Variants in SMC5 observed in about 807,000 individuals in gnomAD.
The protein encoded by SMC5 is structural maintenance of chromosomes 5.
A neutral mutation model predicts 148.3 loss-of-function variants in SMC5; 88 were observed. The ratio of observed to expected loss-of-function variants is 0.59; its 90% CI spans 0.50 to 0.71. The LOEUF (loss-of-function observed/expected upper bound fraction) is 0.71, where lower values mean the gene tolerates loss of function less well. Among genes scored for constraint, SMC5 ranks in the 30% least tolerant of loss-of-function variants. The probability of loss-of-function intolerance (pLI) is 0.00; values close to 1 mark genes in which losing one functional copy is unlikely to be tolerated. For missense variants in SMC5, 1,142 were observed against 1,298.9 expected (o/e 0.88, Z 1.86); for synonymous variants, 421 against 432.8 (o/e 0.97, Z 0.34).
chr9:70,311,190 T>G (rs2035647124), intron 11 of SMC5: 2 of 152,206 alleles, frequency 1.3e-5, no homozygotes, highest in South Asian at 2.1e-4. Flanking sequence ...TATTTTTAGC[T>G]TTTGATTTAA....
chr9:70,267,587 A>G (rs1242619995), intron 2 of SMC5, among the ~76,000 whole-genome samples: 1 of 152,148 alleles, frequency 6.6e-6, no homozygotes. Flanking sequence ...CTGGGTGTTT[A>G]ATATAGTGGA....
chr9:70,326,902 A>G (rs1001252249), intron 17 of SMC5, among the ~76,000 whole-genome samples: 3 of 152,134 alleles, frequency 2.0e-5, no homozygotes, highest in African/African-American at 7.2e-5. Context: ...TTCAGTAATC[A>G]TAATGTTAAT....
intron 22 of SMC5, among the ~76,000 whole-genome samples, chr9:70,348,853 G>T (rs1158820198): frequency 6.6e-6 from 1 of 152,096 alleles, no homozygotes; most frequent in Non-Finnish European, 1.5e-5. Context: ...ATCCCACTTT[G>T]GGAGGCCAAG....
At position 70,310,683 on chromosome 9, in the gene SMC5, G is replaced by A. The variant is rs527299824; in HGVS notation, c.1579-4059G>A. 7.5e-4 allele frequency among the ~76,000 whole-genome samples: 114 copies of A among 152,282 alleles called. 1 individual carries two copies. Among genetic ancestry groups the A allele is most frequent in the African/African-American group, 2.6e-3 (110 of 41,574 alleles). ...TCATTGATTTCTTTTCTCTAGTTAT[G>A]AAAGTCCTAGATGGCATTCTTTTCC... On this transcript the variant is annotated intron_variant, in intron 11 of 24. Transcript: ENST00000361138.
intron 3 of SMC5, among the ~76,000 whole-genome samples, chr9:70,275,415 G>A (rs537903768): frequency 2.0e-3 from 297 of 152,124 alleles, no homozygotes; most frequent in African/African-American, 6.9e-3. Context: ...TGCTCAGACA[G>A]GTCTCGAACT....
intron 11 of SMC5, among the ~76,000 whole-genome samples, chr9:70,307,688 G>C (rs1033997377): frequency 2.0e-5 from 3 of 152,056 alleles, no homozygotes; most frequent in Non-Finnish European, 4.4e-5. Flanking sequence ...ATTTTTAGTA[G>C]AGACGGGGTT....
At chr9:70,329,192 T>C (rs369786347) in intron 17 of SMC5, among the ~76,000 whole-genome samples, 1 of 152,246 alleles carries the variant, frequency 6.6e-6, no homozygotes, top group African/African-American at 2.4e-5. Flanking sequence ...TTGGCTCTTC[T>C]TTACTTCTGC....
intron 8 of SMC5, among the ~76,000 whole-genome samples, chr9:70,296,951 T>C (rs2035218110): frequency 6.6e-6 from 1 of 152,200 alleles, no homozygotes; most frequent in African/African-American, 2.4e-5. Context: ...AGACTGATGA[T>C]TAAAATCTCA....
At chr9:70,343,792 G>T (rs1454656767) in intron 17 of SMC5, among the ~76,000 whole-genome samples, 1 of 152,102 alleles carries the variant, frequency 6.6e-6, no homozygotes, top group Admixed American at 6.6e-5. Context: ...CTGCACTCCA[G>T]CCTGGGTGAC....
chr9:70,276,411 A>G (rs1587628335), intron 3 of SMC5, among the ~76,000 whole-genome samples: 1 of 152,216 alleles, frequency 6.6e-6, no homozygotes. Flanking sequence ...ATGCTAACTG[A>G]TAAATTCATT....
At chr9:70,286,528 G>C (rs1378809451) in intron 8 of SMC5, among the ~76,000 whole-genome samples, 1 of 152,066 alleles carries the variant, frequency 6.6e-6, no homozygotes, top group African/African-American at 2.4e-5. Flanking sequence ...ATAGGATAAT[G>C]GTGGATTTGG....
At chr9:70,336,834 C>T (rs1200914180) in intron 17 of SMC5, among the ~76,000 whole-genome samples, 1 of 152,094 alleles carries the variant, frequency 6.6e-6, no homozygotes, top group Non-Finnish European at 1.5e-5. Flanking sequence ...TTGTATTGGT[C>T]CGTTTTCATG....
rs529586789 is a variant in SMC5, at chr9:70,341,174, G to T, written c.2398-2970G>T. 9.5e-4 allele frequency among the ~76,000 whole-genome samples: 145 copies of T among 152,218 alleles called. 1 individual carries two copies. Among genetic ancestry groups the T allele is most frequent in the African/African-American group, 3.3e-3 (136 of 41,546 alleles). ...TTTAAAAACAAAAAGCAAAACAAGT[G>T]CCATGTGAAGATCTCTATCACAAAC... On this transcript the variant is annotated intron_variant, in intron 17 of 24. Coordinates refer to ENST00000361138, the MANE Select transcript of SMC5 (RefSeq NM_015110.4).
chr9:70,275,238 T>A (rs1362161895), intron 3 of SMC5, among the ~76,000 whole-genome samples: 2 of 152,222 alleles, frequency 1.3e-5, no homozygotes, highest in South Asian at 4.1e-4. Context: ...GTTTTGTTTT[T>A]GTTTTTGTTT....
intron 6 of SMC5, among the ~76,000 whole-genome samples, chr9:70,281,668 A>G (rs192603764): frequency 8.5e-5 from 13 of 152,272 alleles, no homozygotes; most frequent in Admixed American, 2.6e-4. Flanking sequence ...CAAAAAGAGT[A>G]TTTGTGGCAT....
rs573483770 is a variant in SMC5 at position 70,273,731 on chromosome 9, T to C, written c.381-3579T>C. On this transcript the variant is annotated intron_variant, in intron 3 of 24. Transcript: ENST00000361138. ...TGTTTCTAATGTAGTGATTTTCTTA[T>C]TTTTTAGTATTGGTTTCTACTTTGA... Among the ~76,000 whole-genome samples, 6 of 152,290 alleles carry C rather than the reference T, an allele frequency of 3.9e-5. No individual in the cohort carries two copies. The South Asian group carries it at 1.0e-3, about 26-fold the overall frequency.
chr9:70,342,949 T>TA (rs1360677931), intron 17 of SMC5, among the ~76,000 whole-genome samples: 14 of 152,320 alleles, frequency 9.2e-5, no homozygotes, highest in African/African-American at 3.4e-4. Context: ...TCTTGTCATT[T>TA]AAGGCTGTTA....
intron 13 of SMC5, among the ~76,000 whole-genome samples, chr9:70,316,702 C>G (rs2118586190): frequency 6.6e-6 from 1 of 152,074 alleles, no homozygotes. Context: ...TTGATAAGGA[C>G]TTTTTAAACT....
chr9:70,288,152 G>A (rs569016604), intron 8 of SMC5, among the ~76,000 whole-genome samples: 4 of 152,120 alleles, frequency 2.6e-5, no homozygotes, highest in African/African-American at 7.2e-5. Flanking sequence ...TTATATTCCT[G>A]TCATGAATTT....
Sources: allele counts gnomAD v4.1 joint callset (sites outside exome capture counted in the v4.1 genomes callset), GRCh38; gene constraint gnomAD v4.1.1; transcripts MANE v1.5; gene names NCBI Gene and HGNC (gene_info 2026-07-23, HGNC 2026-07-21).